IP6K3: variants seen among roughly 807,000 people sequenced by gnomAD.
IP6K3 encodes ATP:1D-myo-inositol-hexakisphosphate phosphotransferase.
IP6K3 carries 20 observed loss-of-function variants against 28.8 expected under a neutral mutation model. The ratio of observed to expected loss-of-function variants is 0.70; its 90% CI spans 0.49 to 1.01. IP6K3 has a LOEUF of 1.01. Among genes scored for constraint, IP6K3 ranks in the 50% least tolerant of loss-of-function variants. The probability of loss-of-function intolerance (pLI) is 0.00; values close to 1 mark genes in which losing one functional copy is unlikely to be tolerated. For missense variants in IP6K3, 480 were observed against 537.1 expected (o/e 0.89, Z 1.05); for synonymous variants, 213 against 221.3 (o/e 0.96, Z 0.33).
chr6:33,748,992 G>A (rs113923549), upstream of IP6K3, among the ~76,000 whole-genome samples: 16 of 152,180 alleles, frequency 1.1e-4, no homozygotes, highest in African/African-American at 3.9e-4. Context: ...GCTGGGCTCC[G>A]GTTACCTGGC....
intron 1 of IP6K3, among the ~76,000 whole-genome samples, chr6:33,739,612 T>C (rs1008866699): frequency 1.3e-5 from 2 of 152,254 alleles, no homozygotes; most frequent in Non-Finnish European, 2.9e-5. Context: ...CTCTGTGGGA[T>C]TGAGCTGGGG....
At chr6:33,727,870 GGGATAAAAT>G (rs1766174583) in intron 3 of IP6K3, 2 of 985,394 alleles carry the variant, frequency 2.0e-6, no homozygotes, top group Non-Finnish European at 2.4e-6. Flanking sequence ...ATCAACTTCT[GGGATAAAAT>G]GCATCGTAAT....
chr6:33,723,963 A>G lies in IP6K3; in HGVS notation c.766-776T>C, dbSNP rs562948263. The stretch of plus-strand genomic sequence containing the variant: ...ATTCAGATGGCACAGGCAGCAGCTG[A>G]GGCTGAACTAAGGCCAGCAGTGGGC... On this transcript the variant is annotated intron_variant, in intron 5 of 5. Transcript: ENST00000293756. Among the ~76,000 whole-genome samples the G allele has an allele frequency of 2.0e-5, 3 of 152,154 alleles. No individual in the cohort carries two copies. The East Asian group carries it at 5.8e-4, about 29-fold the overall frequency.
intron 4 of IP6K3, among the ~76,000 whole-genome samples, chr6:33,726,370 C>T (rs954916284): frequency 7.9e-5 from 12 of 152,254 alleles, no homozygotes; most frequent in Admixed American, 3.9e-4. Flanking sequence ...CTTTCTGAGC[C>T]CCCTGCTGCC....
chr6:33,754,533 C>A, the IP6K3 span, among the ~76,000 whole-genome samples: 1 of 152,180 alleles, frequency 6.6e-6, no homozygotes, highest in African/African-American at 2.4e-5. Context: ...CAGCCCATTA[C>A]TGTCGGCCCT....
At chr6:33,734,734 C>T (rs1162214571) in intron 2 of IP6K3, among the ~76,000 whole-genome samples, 1 of 152,216 alleles carries the variant, frequency 6.6e-6, no homozygotes, top group Non-Finnish European at 1.5e-5. Context: ...ACACATGCTG[C>T]CCCATGCAGA....
At chr6:33,754,321 T>G in the IP6K3 span, among the ~76,000 whole-genome samples, 103,420 of 151,812 alleles carry the variant, frequency 0.68, 37,805 homozygotes, top group East Asian at 0.93. Context: ...GCGGCATCTC[T>G]CTGCTGGAAG....
intron 5 of IP6K3, among the ~76,000 whole-genome samples, chr6:33,724,485 C>T (rs994468452): frequency 6.6e-6 from 1 of 152,164 alleles, no homozygotes; most frequent in African/African-American, 2.4e-5. Context: ...TTTATTTTAT[C>T]CTGTTCTCCT....
At chr6:33,743,854 GTTTTT>G (rs545032741) in intron 1 of IP6K3, among the ~76,000 whole-genome samples, 1 of 146,976 alleles carries the variant, frequency 6.8e-6, no homozygotes, top group Non-Finnish European at 1.5e-5. Context: ...CTTTGAGAGG[GTTTTT>G]TTTTTCTTTT....
upstream of IP6K3, among the ~76,000 whole-genome samples, chr6:33,750,538 T>C (rs1767009127): frequency 2.6e-5 from 4 of 152,190 alleles, no homozygotes; most frequent in Admixed American, 2.6e-4. This position sits in a 1 kb window ranked among gnomAD's most constrained non-coding sequence, Gnocchi z 4.3. Context: ...CCAGCTGTAG[T>C]TGCATATTTA....
chr6:33,738,422 T>G (rs564934241), intron 1 of IP6K3, among the ~76,000 whole-genome samples: 42 of 152,348 alleles, frequency 2.8e-4, no homozygotes, highest in African/African-American at 9.4e-4. Context: ...TCTAAGGACA[T>G]GGATGTCACC....
chr6:33,740,004 C>T (rs917086729), intron 1 of IP6K3, among the ~76,000 whole-genome samples: 3 of 152,228 alleles, frequency 2.0e-5, no homozygotes, highest in Non-Finnish European at 4.4e-5. Context: ...CTGCATTATT[C>T]TCAGGACCGA....
Position 33,726,878 on chromosome 6 carries a change from G to A in IP6K3, c.442C>T (p.Pro148Ser), listed in dbSNP as rs1423735664. ...GAGAAGGCTGGAGTGTTGAGGTGGG[G>A]CTCGGACCTCAGAAGAGCCTTGGCC... is the stretch of plus-strand genomic sequence containing the variant. ...SPAKALLRSE[P>S]HLNTPAFSLV... Residue 148 changes from proline (P) to serine (S), a missense_variant, in exon 4 of 6, where the codon CCC becomes TCC. Physicochemically the swap from Pro to Ser is moderately conservative, Grantham distance 74. Transcript: ENST00000293756. 1.2e-6 allele frequency: 2 copies of A among 1,610,430 alleles called. No individual in the cohort carries two copies. Among genetic ancestry groups the A allele is most frequent in the Non-Finnish European group, 1.7e-6 (2 of 1,177,182 alleles).
chr6:33,727,423 A>C (rs1766159535), intron 3 of IP6K3, among the ~76,000 whole-genome samples: 1 of 152,142 alleles, frequency 6.6e-6, no homozygotes, highest in African/African-American at 2.4e-5. Context: ...AATGGAGATA[A>C]TGCTCCTGCT....
Position 33,742,816 on chromosome 6 carries a change from G to T in IP6K3, c.-180+3942C>A, listed in dbSNP as rs1330690152. Among the ~76,000 whole-genome samples the T allele has an allele frequency of 1.3e-5, 2 of 152,104 alleles. No individual in the cohort carries two copies. The highest frequency in any genetic ancestry group is 6.5e-5 in the Admixed American group (1 of 15,274). On this transcript the variant is annotated intron_variant, in intron 1 of 5. Transcript: ENST00000293756. This position sits in a 1 kb window ranked among gnomAD's most constrained non-coding sequence, Gnocchi z 4.5. ...AAATGGGTCCTGGAGAAGAGGTTAGGAGAGGTACTGCTCCTGGCTGAGATC... is the reference window on the plus strand; with the variant it reads ...AAATGGGTCCTGGAGAAGAGGTTAGTAGAGGTACTGCTCCTGGCTGAGATC...
chr6:33,750,100 A>G (rs114009154), upstream of IP6K3, among the ~76,000 whole-genome samples: 311 of 152,228 alleles, frequency 2.0e-3, 3 homozygotes, highest in African/African-American at 7.3e-3. This position sits in a 1 kb window ranked among gnomAD's most constrained non-coding sequence, Gnocchi z 4.3. Context: ...CTGTTCATCC[A>G]TCACTATGTC....
At chr6:33,734,501 G>A (rs1319013116) in intron 2 of IP6K3, among the ~76,000 whole-genome samples, 1 of 152,180 alleles carries the variant, frequency 6.6e-6, no homozygotes, top group African/African-American at 2.4e-5. Context: ...GCAGTCATGG[G>A]GTCTACCGTC....
the IP6K3 span, among the ~76,000 whole-genome samples, chr6:33,759,922 G>T: frequency 6.6e-6 from 1 of 151,940 alleles, no homozygotes; most frequent in Non-Finnish European, 1.5e-5. Flanking sequence ...TAGTATATGG[G>T]TCCATGCACC....
chr6:33,735,963 G>A (rs1423010025), intron 1 of IP6K3, among the ~76,000 whole-genome samples: 2 of 152,094 alleles, frequency 1.3e-5, no homozygotes, highest in African/African-American at 4.8e-5. Context: ...GACCTCCTGG[G>A]CTCAAATGAT....
Sources: allele counts gnomAD v4.1 joint callset (sites outside exome capture counted in the v4.1 genomes callset), GRCh38; gene constraint gnomAD v4.1.1; non-coding constraint Gnocchi (gnomAD v3.1); transcripts MANE v1.5; gene names NCBI Gene and HGNC (gene_info 2026-07-23, HGNC 2026-07-21).